Variants in WDR44 observed in about 807,000 individuals in gnomAD.
WDR44 encodes the protein WD repeat domain 44.
WDR44 carries 9 observed loss-of-function variants against 65.7 expected under a neutral mutation model. The observed-to-expected ratio is 0.14, with a 90% CI of 0.08 to 0.24. The LOEUF (loss-of-function observed/expected upper bound fraction) is 0.24. Ranked by LOEUF, WDR44 falls within the 10% of genes least tolerant of loss-of-function variation. WDR44 has a pLI of 1.00. For missense variants in WDR44, 425 were observed against 670.9 expected, an observed-to-expected ratio of 0.63 and a Z score of 4.05; for synonymous variants, 220 against 235.2, an observed-to-expected ratio of 0.94 and a Z score of 0.59.
chrX:118,369,267 G>T (rs1424489857), intron 1 of WDR44, among the ~76,000 whole-genome samples: 2 of 109,243 alleles, frequency 1.8e-5, no homozygotes, highest in African/African-American at 6.7e-5. Context: ...CGCCTCCCGG[G>T]TTCACGCCAT....
chrX:118,440,444 G>T (rs924241360), intron 14 of WDR44, among the ~76,000 whole-genome samples: 5 of 111,273 alleles, frequency 4.5e-5, no homozygotes, highest in Non-Finnish European at 9.4e-5. Context: ...TTTGAATGAT[G>T]AAGTAATTCT....
intron 2 of WDR44, among the ~76,000 whole-genome samples, chrX:118,382,742 G>A (rs1019600277): frequency 3.6e-5 from 4 of 111,866 alleles, no homozygotes; most frequent in Non-Finnish European, 7.5e-5. Flanking sequence ...TCCAACACAG[G>A]TGGAGGTAAC....
chrX:118,405,703 C>A (rs1476421314), intron 9 of WDR44, among the ~76,000 whole-genome samples: 1 of 110,955 alleles, frequency 9.0e-6, no homozygotes, highest in Non-Finnish European at 1.9e-5. Flanking sequence ...TGGAGGGATT[C>A]AAACAACCAC....
rs1442631778 is a variant in WDR44, at chrX:118,449,737, G to A, written c.*750G>A. On this transcript the variant is annotated 3_prime_UTR_variant, in exon 20 of 20. Transcript: ENST00000254029. ...AGTGAGTCTTCTTTTTTACAATAAT[G>A]TAAAAATTAAACTGTTTACATTTTT... 1.8e-5 allele frequency: 2 copies of A among 111,023 alleles called. No homozygotes were observed. The highest frequency in any genetic ancestry group is 3.8e-5 in the Non-Finnish European group (2 of 52,931). The allele number at this position is 111,023 out of a possible 1,213,427, so 9.1% of individuals were successfully genotyped here. A position where few individuals can be genotyped will look rare whatever the true frequency, so the allele number is the denominator to read the frequency against.
At chrX:118,424,307 A>ATGTGTG (rs1225033891) in intron 12 of WDR44, among the ~76,000 whole-genome samples, 12 of 74,683 alleles carry the variant, frequency 1.6e-4, no homozygotes, top group African/African-American at 1.0e-3. Flanking sequence ...GTGTATATAT[A>ATGTGTG]TATATGTGTG....
At chrX:118,388,685 A>G (rs1335949680) in intron 3 of WDR44, among the ~76,000 whole-genome samples, 2 of 111,710 alleles carry the variant, frequency 1.8e-5, no homozygotes, top group Admixed American at 1.9e-4. Flanking sequence ...CAGGAATTGA[A>G]CCATTTTTTT....
chrX:118,352,857 G>GTT (rs1211459998), intron 1 of WDR44, among the ~76,000 whole-genome samples: 2 of 111,216 alleles, frequency 1.8e-5, no homozygotes, highest in African/African-American at 6.5e-5. Context: ...TAGAGACCAA[G>GTT]TTACAGTGCT....
Position 118,392,765 on chromosome X carries a change from T to C in WDR44, c.320T>C (p.Ile107Thr). The change falls in exon 4 of 20, where the codon ATA becomes ACA. Residue 107 changes from isoleucine (I) to threonine (T), a missense_variant. Physicochemically the swap from Ile to Thr is moderately conservative, Grantham distance 89. Coordinates refer to ENST00000254029, the MANE Select transcript of WDR44 (RefSeq NM_019045.5). ...PIVARTDLSN[I>T]PGLLAIDQVL... ...GTGGCTAGAACAGATCTGAGCAATA[T>C]ACCCGGACTGTTAGCCATAGATCAA... The C allele has an allele frequency of 8.3e-7, 1 of 1,211,757 alleles. No homozygotes were observed. Among genetic ancestry groups the C allele is most frequent in the Non-Finnish European group, 1.1e-6 (1 of 895,528 alleles).
intron 6 of WDR44, among the ~76,000 whole-genome samples, chrX:118,395,701 T>C (rs1261671102): frequency 8.9e-6 from 1 of 112,001 alleles, no homozygotes; most frequent in Non-Finnish European, 1.9e-5. Flanking sequence ...GCAAGGTTTA[T>C]ATTTTATAGA....
chrX:118,368,500 G>A (rs1301827384), intron 1 of WDR44, among the ~76,000 whole-genome samples: 1 of 64,660 alleles, frequency 1.5e-5, no homozygotes, highest in African/African-American at 1.1e-4. Flanking sequence ...GGACCTTTCC[G>A]CATTCCTCCA....
Position 118,396,951 on chromosome X carries a change from T to C in WDR44, c.1054-19T>C. 1.0e-6 allele frequency: 1 copy of C among 959,367 alleles called. No individual in the cohort carries two copies. The allele number at this position is 959,367 out of a possible 1,213,427, so 79.1% of individuals were successfully genotyped here. The stretch of plus-strand genomic sequence containing the variant: ...TTGCAGGTCATCTTGGTGTGATTGT[T>C]TTTTTTTTTTAACCTCAGGAAATTT... On this transcript the variant is annotated intron_variant, in intron 6 of 19. Transcript: ENST00000254029.
chrX:118,431,453 G>A (rs976228370), intron 12 of WDR44, among the ~76,000 whole-genome samples: 2 of 111,232 alleles, frequency 1.8e-5, no homozygotes, highest in Non-Finnish European at 3.8e-5. Flanking sequence ...ACAGGCATGC[G>A]CCACCATGCC....
intron 12 of WDR44, among the ~76,000 whole-genome samples, chrX:118,422,576 C>G (rs2057114570): frequency 9.1e-6 from 1 of 110,203 alleles, no homozygotes; most frequent in East Asian, 2.8e-4. Context: ...CCTATAATCC[C>G]AGCTACTTGG....
intron 1 of WDR44, among the ~76,000 whole-genome samples, chrX:118,358,032 G>T (rs1389148854): frequency 8.9e-6 from 1 of 111,952 alleles, no homozygotes; most frequent in Non-Finnish European, 1.9e-5. Flanking sequence ...AATTAGCTGG[G>T]CATGGTGGTA....
At chrX:118,383,877 TC>T (rs370875065) in intron 2 of WDR44, among the ~76,000 whole-genome samples, 75 of 95,080 alleles carry the variant, frequency 7.9e-4, no homozygotes, top group Non-Finnish European at 1.2e-3. Context: ...TTTTTTAATT[TC>T]TTTTTTTTTT....
In WDR44 at chrX:118,449,327, A is replaced by T; in HGVS notation, c.*340A>T. The T allele has an allele frequency of 8.4e-6, 1 of 118,386 alleles. No individual in the cohort carries two copies. Among genetic ancestry groups the T allele is most frequent in the South Asian group, 3.5e-4 (1 of 2,818 alleles). The allele number at this position is 118,386 out of a possible 1,213,427, so 9.8% of individuals were successfully genotyped here. A position where few individuals can be genotyped will look rare whatever the true frequency, so the allele number is the denominator to read the frequency against. On this transcript the variant is annotated 3_prime_UTR_variant, in exon 20 of 20. Transcript: ENST00000254029. The stretch of plus-strand genomic sequence containing the variant: ...TGGTTACATGCATTAAATCTAACAG[A>T]GTTAAATTATTTCAGTGGCTCTTTT...
chrX:118,349,498 A>G (rs1365858236), intron 1 of WDR44, among the ~76,000 whole-genome samples: 1 of 109,233 alleles, frequency 9.2e-6, no homozygotes, highest in Non-Finnish European at 1.9e-5. Context: ...ACTGTCAGGC[A>G]TGAGCCATCT....
intron 1 of WDR44, among the ~76,000 whole-genome samples, chrX:118,355,323 T>C (rs752358677): frequency 9.0e-6 from 1 of 111,662 alleles, no homozygotes; most frequent in South Asian, 3.7e-4. Context: ...GGAAGAAATA[T>C]AAAGGGTGGG....
intron 11 of WDR44, 24 bp downstream of exon 11, chrX:118,409,651 C>A (rs754659443): frequency 1.9e-5 from 22 of 1,151,593 alleles, no homozygotes; most frequent in Non-Finnish European, 2.3e-5. Flanking sequence ...ATTTAAAAAT[C>A]TACAGAAACC....
Sources: allele counts gnomAD v4.1 joint callset (sites outside exome capture counted in the v4.1 genomes callset), GRCh38; gene constraint gnomAD v4.1.1; transcripts MANE v1.5; gene names NCBI Gene and HGNC (gene_info 2026-07-23, HGNC 2026-07-21).